The following PCDHGB1 variants were observed in gnomAD, a reference collection of about 807,000 sequenced individuals.
PCDHGB1 encodes the protein protocadherin gamma subfamily B, 1.
Under a neutral mutation model 56.6 loss-of-function variants are expected in PCDHGB1, and 34 were observed. The ratio of observed to expected loss-of-function variants is 0.60; its 90% CI spans 0.46 to 0.80. PCDHGB1 has a LOEUF of 0.80. PCDHGB1 is among the 30% of genes least tolerant of loss of function. PCDHGB1 has a pLI of 0.00. For missense variants in PCDHGB1, 1,278 were observed against 1,204.6 expected, an observed-to-expected ratio of 1.06 and a Z score of -0.90; for synonymous variants, 561 against 505.9, an observed-to-expected ratio of 1.11 and a Z score of -1.46.
At chr5:141,419,644 C>T (rs867285747) in intron 1 of PCDHGB1, 1 of 1,612,514 alleles carries the variant, frequency 6.2e-7, no homozygotes, top group Middle Eastern at 1.7e-4. Context: ...TGGCCGTGGA[C>T]GCGGACTCGG....
At chr5:141,403,334 G>T (rs2094392979) in intron 1 of PCDHGB1, 2 of 1,613,972 alleles carry the variant, frequency 1.2e-6, no homozygotes, top group Non-Finnish European at 1.7e-6. Flanking sequence ...TGATATTAAC[G>T]ACAGCGCCCC....
rs531773756 is a variant in PCDHGB1 at position 141,417,037 on chromosome 5, TTA to T, written c.2409+64369_2409+64370del. On this transcript the variant is annotated intron_variant, in intron 1 of 3. Coordinates refer to ENST00000523390, the MANE Select transcript of PCDHGB1 (RefSeq NM_018922.3). ...ATTTTGAAAAATACAGGTTTTTTTT[TTA>T]AAAAAAACTGCTCTTGACATTGTAG... 5.9e-5 allele frequency: 9 copies of T among 151,574 alleles called. 1 individual carries two copies. Among genetic ancestry groups the T allele is most frequent in the Admixed American group, 2.0e-4 (3 of 15,204 alleles). The allele number at this position is 151,574 out of a possible 1,614,324, so 9.4% of individuals were successfully genotyped here.
intron 1 of PCDHGB1, chr5:141,355,547 T>A: frequency 1.2e-6 from 2 of 1,613,910 alleles, no homozygotes; most frequent in Non-Finnish European, 1.7e-6. Flanking sequence ...ACAGTGAAGA[T>A]TTTGCGGGTA....
chr5:141,414,657 C>T (rs1313928067), intron 1 of PCDHGB1: 1 of 1,614,004 alleles, frequency 6.2e-7, no homozygotes, highest in Admixed American at 1.7e-5. Context: ...TTATTTACTC[C>T]CTGGCTGAAG....
intron 2 of PCDHGB1, among the ~76,000 whole-genome samples, chr5:141,496,123 C>T (rs2099766207): frequency 6.6e-6 from 1 of 152,098 alleles, no homozygotes; most frequent in African/African-American, 2.4e-5. Flanking sequence ...CTTCCCTGCC[C>T]CTCACACACT....
At chr5:141,372,788 TA>T in intron 1 of PCDHGB1, 1 of 1,603,576 alleles carries the variant, frequency 6.2e-7, no homozygotes, top group Admixed American at 1.7e-5. Context: ...AAATGCCTTC[TA>T]ATTCAGGCAA....
rs532675537 is a variant in PCDHGB1, at chr5:141,508,584, T to C, written c.2558-2363T>C. Among the ~76,000 whole-genome samples, 87 of 152,266 alleles carry C rather than the reference T, an allele frequency of 5.7e-4. 1 individual carries two copies. Among genetic ancestry groups the C allele is most frequent in the African/African-American group, 1.6e-3 (66 of 41,552 alleles). On this transcript the variant is annotated intron_variant, in intron 3 of 3. Coordinates refer to ENST00000523390, the MANE Select transcript of PCDHGB1 (RefSeq NM_018922.3). The stretch of plus-strand genomic sequence containing the variant: ...TGTCACTTGCACCCACTCGGGGTGC[T>C]ACTCAGAGATCTTGGGTGCACATAG...
rs113648128 is a variant in PCDHGB1, at chr5:141,491,811, C to T, written c.2410-2996C>T. ...CACTCCTCTCCGGCCGGCTTGGTCG[C>T]TGGCTGCGCTCCACCCGATTCTCGG... On this transcript the variant is annotated intron_variant, in intron 1 of 3. Transcript: ENST00000523390. The surrounding 1 kb of genome is among the most constrained non-coding windows in gnomAD (Gnocchi z 6.9). 6.7e-7 allele frequency: 1 copy of T among 1,487,262 alleles called. No homozygotes were observed. The highest frequency in any genetic ancestry group is 1.4e-5 in the African/African-American group (1 of 70,544). 92.1% of individuals were successfully genotyped at this position (1,487,262 alleles called of 1,614,324 possible).
At chr5:141,421,278 G>A (rs764787116) in intron 1 of PCDHGB1, 1 of 1,612,872 alleles carries the variant, frequency 6.2e-7, no homozygotes, top group African/African-American at 1.3e-5. Flanking sequence ...TGCTGCTGCT[G>A]TGCATTTTCC....
At chr5:141,502,547 C>G (rs1340258642) in intron 2 of PCDHGB1, among the ~76,000 whole-genome samples, 2 of 152,156 alleles carry the variant, frequency 1.3e-5, no homozygotes, top group East Asian at 3.8e-4. Context: ...GTGGTAAAAA[C>G]AGTGTCCCAG....
chr5:141,363,612 G>T (rs961880726), intron 1 of PCDHGB1, among the ~76,000 whole-genome samples: 11 of 152,222 alleles, frequency 7.2e-5, no homozygotes, highest in Admixed American at 3.3e-4. Flanking sequence ...GTCTGAGATA[G>T]TGGAGAGACT....
At position 141,431,633 on chromosome 5, in the gene PCDHGB1, T is replaced by G; in HGVS notation, c.2410-63174T>G. On this transcript the variant is annotated intron_variant, in intron 1 of 3. Coordinates refer to ENST00000523390, the MANE Select transcript of PCDHGB1 (RefSeq NM_018922.3). This position sits in a 1 kb window ranked among gnomAD's most constrained non-coding sequence, Gnocchi z 4.8. Reference sequence around the variant, plus strand: ...TGTGGACGACAAGGCGGCCCAAGTTTTCAAACTAGATTGTAATTCAGGGAC... The same window carrying G: ...TGTGGACGACAAGGCGGCCCAAGTTGTCAAACTAGATTGTAATTCAGGGAC... 6.2e-7 allele frequency: 1 copy of G among 1,614,240 alleles called. No individual in the cohort carries two copies. Among genetic ancestry groups the G allele is most frequent in the Non-Finnish European group, 8.5e-7 (1 of 1,180,048 alleles).
Position 141,352,019 on chromosome 5 carries a change from G to C in PCDHGB1, c.1759G>C (p.Val587Leu), listed in dbSNP as rs767715715. 9.0e-5 allele frequency: 145 copies of C among 1,609,570 alleles called. 3 individuals are homozygous for C. In the South Asian group the frequency reaches 1.5e-3, roughly 17 times the overall value. Residue 587 changes from valine to leucine, a missense_variant, in exon 1 of 4, where the codon GTG becomes CTG. By Grantham distance (32) the Val-to-Leu change is conservative. Transcript: ENST00000523390. Reference sequence around the variant, plus strand: ...AGAGCCCGGCTACCTGGTGACCAAGGTGGTGGCGGTGGACGCAGACTCAGG... The same window carrying C: ...AGAGCCCGGCTACCTGGTGACCAAGCTGGTGGCGGTGGACGCAGACTCAGG... The part of the protein sequence containing the change: ...AAEPGYLVTK[V>L]VAVDADSGHN...
In PCDHGB1 at chr5:141,356,620, A is replaced by G. The variant is rs369561232; in HGVS notation, c.2409+3951A>G. 4 of 1,614,026 alleles carry G rather than the reference A, an allele frequency of 2.5e-6. No individual in the cohort carries two copies. The African/African-American group carries it at 4.0e-5, about 16-fold the overall frequency. ...CCCCAGAGGAGCCTCCATCTTATCT[A>G]TGACTGCTCAAGACCCTGACAGTGG... On this transcript the variant is annotated intron_variant, in intron 1 of 3. Coordinates refer to ENST00000523390, the MANE Select transcript of PCDHGB1 (RefSeq NM_018922.3).
chr5:141,508,043 T>A (rs2099865910), intron 3 of PCDHGB1: 1 of 152,252 alleles, frequency 6.6e-6, no homozygotes, highest in Non-Finnish European at 1.5e-5. Context: ...CAGCCAGCTG[T>A]GTTCCAGCTA....
chr5:141,412,906 TG>T (rs2095588206), intron 1 of PCDHGB1: 2 of 384,208 alleles, frequency 5.2e-6, no homozygotes, highest in Admixed American at 8.2e-5. Context: ...TTCCATTGCA[TG>T]TATCACTTGG....
intron 1 of PCDHGB1, chr5:141,378,618 ATGAC>A (rs1399279904): frequency 2.6e-5 from 4 of 152,254 alleles, no homozygotes; most frequent in African/African-American, 7.2e-5. Context: ...CTAAAAATAG[ATGAC>A]TGACTGGTGA....
chr5:141,496,523 G>T (rs1159517569), intron 2 of PCDHGB1, among the ~76,000 whole-genome samples: 1 of 152,128 alleles, frequency 6.6e-6, no homozygotes, highest in Non-Finnish European at 1.5e-5. Context: ...GGAGCCCTTG[G>T]TGTATGGCAG....
chr5:141,355,298 A>G (rs374574090), intron 1 of PCDHGB1: 3 of 1,613,812 alleles, frequency 1.9e-6, no homozygotes, highest in Non-Finnish European at 2.5e-6. Context: ...CAGATTCTCT[A>G]CTCGGTGTTT....
Sources: allele counts gnomAD v4.1 joint callset (sites outside exome capture counted in the v4.1 genomes callset), GRCh38; gene constraint gnomAD v4.1.1; non-coding constraint Gnocchi (gnomAD v3.1); transcripts MANE v1.5; gene names NCBI Gene and HGNC (gene_info 2026-07-23, HGNC 2026-07-21).